TIMM23B: variants seen among roughly 807,000 people sequenced by gnomAD.
The protein encoded by TIMM23B is translocase of inner mitochondrial membrane 23 homolog B.
TIMM23B carries 27 observed loss-of-function variants against 27.3 expected under a neutral mutation model. The observed-to-expected ratio is 0.99, with a 90% CI of 0.73 to 1.36. TIMM23B has a LOEUF of 1.36. TIMM23B is among the 40% of genes most tolerant of loss of function. The pLI, the probability that TIMM23B is intolerant of heterozygous loss-of-function variation, is 0.00. For synonymous variants in TIMM23B, 73 were observed against 92.4 expected, an observed-to-expected ratio of 0.79 and a Z score of 1.21; for missense variants, 205 against 244.2, an observed-to-expected ratio of 0.84 and a Z score of 1.07.
At chr10:49,962,196 G>A (rs1839940350) in intron 6 of TIMM23B, among the ~76,000 whole-genome samples, 1 of 140,584 alleles carries the variant, frequency 7.1e-6, no homozygotes, top group Non-Finnish European at 1.5e-5. Context: ...ATCCAATTAA[G>A]CTTTTTTTTG....
intron 2 of TIMM23B, among the ~76,000 whole-genome samples, chr10:49,947,970 A>G (rs1443204375): frequency 1.3e-5 from 2 of 152,196 alleles, no homozygotes; most frequent in African/African-American, 4.8e-5. Flanking sequence ...AGACTGAGAG[A>G]AAATATTTGC....
Position 49,942,237 on chromosome 10 carries a change from T to C in TIMM23B, c.43T>C (p.Leu15=). 1.9e-6 allele frequency: 3 copies of C among 1,612,842 alleles called. No homozygotes were observed. Among genetic ancestry groups the C allele is most frequent in the South Asian group, 1.1e-5 (1 of 90,786 alleles). The part of the protein sequence containing the change: ...GGSGDKTTGV[L]AGFFGAGEAG... ...AAGCGGCGACAAAACCACAGGGGTA[T>C]TGGCCGGCTTTTTCGGAGCCGGCGA... The change falls in exon 1 of 7, where the codon TTG becomes CTG. Residue 15 remains leucine, a synonymous_variant. Transcript: ENST00000651259.
At chr10:49,961,186 C>G (rs1192999888) in intron 6 of TIMM23B, among the ~76,000 whole-genome samples, 7 of 149,346 alleles carry the variant, frequency 4.7e-5, no homozygotes, top group African/African-American at 1.7e-4. Context: ...GAGTTCGAGA[C>G]CAGCCTGACC....
chr10:49,956,426 C>CGTGTGTGTGT lies in TIMM23B; in HGVS notation c.403+1401_403+1410dup, dbSNP rs1173703740. On this transcript the variant is annotated intron_variant, in intron 5 of 6. Coordinates refer to ENST00000651259, the MANE Select transcript of TIMM23B (RefSeq NM_001290117.2). ...TCTATTTTTTCTTATACTAGAAATA[C>CGTGTGTGTGT]GTGTGTGTGTGTGTGTGTGTGTGTG... Among the ~76,000 whole-genome samples the CGTGTGTGTGT allele has an allele frequency of 1.0e-3, 116 of 113,960 alleles. 5 individuals carry two copies. The highest frequency in any genetic ancestry group is 1.7e-3 in the African/African-American group (58 of 34,806). The allele number at this position is 113,960 out of a possible 152,430, so 74.8% of individuals were successfully genotyped here.
chr10:49,971,331 TAAAA>T (rs59579331), intron 6 of TIMM23B, among the ~76,000 whole-genome samples: 2 of 117,750 alleles, frequency 1.7e-5, no homozygotes, highest in African/African-American at 3.1e-5. Flanking sequence ...CAATAAATAC[TAAAA>T]AAAAAAAAAA....
Position 49,963,304 on chromosome 10 carries a change from G to A in TIMM23B, c.514+4824G>A, listed in dbSNP as rs868994161. 2.2e-3 allele frequency among the ~76,000 whole-genome samples: 331 copies of A among 150,738 alleles called. 1 individual carries two copies. The highest frequency in any genetic ancestry group is 7.8e-3 in the African/African-American group (320 of 40,934). On this transcript the variant is annotated intron_variant, in intron 6 of 6. Coordinates refer to ENST00000651259, the MANE Select transcript of TIMM23B (RefSeq NM_001290117.2). ...CAAGTCTCTGTCTCGAAATGAAATG[G>A]AATGAAATGAAGAGAATAAATGAAA... is the stretch of plus-strand genomic sequence containing the variant.
chr10:49,946,378 A>C, intron 2 of TIMM23B, among the ~76,000 whole-genome samples: 1 of 152,164 alleles, frequency 6.6e-6, no homozygotes, highest in Non-Finnish European at 1.5e-5. Context: ...AGTCAAGTAC[A>C]TTAAATGGCA....
chr10:49,969,622 A>G (rs1479118120), intron 6 of TIMM23B, among the ~76,000 whole-genome samples: 1 of 151,456 alleles, frequency 6.6e-6, no homozygotes, highest in Non-Finnish European at 1.5e-5. Context: ...GAGCTTGGGG[A>G]GGTCAAGGCT....
chr10:49,953,470 C>T (rs1264217199), intron 4 of TIMM23B, among the ~76,000 whole-genome samples: 2 of 152,108 alleles, frequency 1.3e-5, no homozygotes, highest in Admixed American at 6.5e-5. Flanking sequence ...CTCAGCCTCC[C>T]GAGTAGCTGG....
Position 49,964,511 on chromosome 10 carries a change from C to T in TIMM23B, c.514+6031C>T, listed in dbSNP as rs572856926. 1.6e-3 allele frequency among the ~76,000 whole-genome samples: 242 copies of T among 148,878 alleles called. 1 individual carries two copies. The highest frequency in any genetic ancestry group is 5.6e-3 in the African/African-American group (228 of 40,412). ...AATAATGAAATTCTGGGTGCAGTGGCGCACTCCAGCCTGGGCAATAGAGGG... is the reference window on the plus strand; with the variant it reads ...AATAATGAAATTCTGGGTGCAGTGGTGCACTCCAGCCTGGGCAATAGAGGG... On this transcript the variant is annotated intron_variant, in intron 6 of 6. Coordinates refer to ENST00000651259, the MANE Select transcript of TIMM23B (RefSeq NM_001290117.2).
At chr10:49,950,390 A>C (rs1159066592) in intron 2 of TIMM23B, among the ~76,000 whole-genome samples, 1 of 151,626 alleles carries the variant, frequency 6.6e-6, no homozygotes, top group Non-Finnish European at 1.5e-5. Context: ...CTTTGATAAC[A>C]GCCTTGTTTG....
intron 6 of TIMM23B, among the ~76,000 whole-genome samples, chr10:49,972,021 C>A (rs1286233843): frequency 1.3e-5 from 2 of 152,242 alleles, no homozygotes; most frequent in South Asian, 2.1e-4. Flanking sequence ...TTCTAAGTTG[C>A]CTTTAAGCTG....
intron 6 of TIMM23B, among the ~76,000 whole-genome samples, chr10:49,958,787 C>T (rs1216346313): frequency 6.6e-6 from 1 of 152,188 alleles, no homozygotes; most frequent in African/African-American, 2.4e-5. Context: ...TCCTTAGCTC[C>T]TGATAATGTT....
intron 5 of TIMM23B, among the ~76,000 whole-genome samples, chr10:49,956,371 C>T (rs1430642307): frequency 6.1e-5 from 9 of 147,222 alleles, no homozygotes; most frequent in East Asian, 2.0e-4. Context: ...TGTTATAATA[C>T]GTGAGAATCA....
intron 5 of TIMM23B, 83 bp from the exon 6 acceptor site, chr10:49,958,287 C>T: frequency 1.2e-6 from 1 of 853,342 alleles, no homozygotes; most frequent in Non-Finnish European, 2.0e-6. Context: ...AGCTAGGAAC[C>T]ATGGATGAAA....
chr10:49,949,616 A>G (rs1161155369), intron 2 of TIMM23B, among the ~76,000 whole-genome samples: 1 of 151,488 alleles, frequency 6.6e-6, no homozygotes, highest in Non-Finnish European at 1.5e-5. Context: ...TTGTGAATTC[A>G]TTCTTCATCA....
At chr10:49,962,044 G>A in intron 6 of TIMM23B, among the ~76,000 whole-genome samples, 1 of 151,528 alleles carries the variant, frequency 6.6e-6, no homozygotes, top group African/African-American at 2.4e-5. Flanking sequence ...GTTTTTGACA[G>A]TTTCTAAACC....
chr10:49,961,943 G>GT (rs1235775534), intron 6 of TIMM23B, among the ~76,000 whole-genome samples: 8 of 149,116 alleles, frequency 5.4e-5, no homozygotes, highest in African/African-American at 7.5e-5. Flanking sequence ...TTTTAGGAGA[G>GT]TTTTTTTGCC....
chr10:49,958,451 C>A lies in TIMM23B; in HGVS notation c.485C>A (p.Thr162Asn). 1.2e-6 allele frequency: 2 copies of A among 1,613,440 alleles called. No homozygotes were observed. Among genetic ancestry groups the A allele is most frequent in the Non-Finnish European group, 1.7e-6 (2 of 1,179,436 alleles). The change falls in exon 6 of 7, where the codon ACC (threonine) becomes AAC (asparagine). Residue 162 changes from threonine to asparagine, a missense_variant. Transcript: ENST00000651259. ...GACCTTAACACAGTAGCAGCTGGAA[C>A]CATGACAGGCATGTTGTATAAATGT... is the stretch of plus-strand genomic sequence containing the variant. ...EDDLNTVAAG[T>N]MTGMLYKCTV... is the part of the protein sequence containing the mutation.
Sources: allele counts gnomAD v4.1 joint callset (sites outside exome capture counted in the v4.1 genomes callset), GRCh38; gene constraint gnomAD v4.1.1; transcripts MANE v1.5; gene names NCBI Gene and HGNC (gene_info 2026-07-23, HGNC 2026-07-21).